KCNK2: variants seen among roughly 807,000 people sequenced by gnomAD.
The protein encoded by KCNK2 is potassium channel subfamily K member 2.
KCNK2 carries 21 observed loss-of-function variants against 40.5 expected under a neutral mutation model. The observed-to-expected ratio is 0.52, with a 90% CI of 0.37 to 0.75. KCNK2 has a LOEUF of 0.75. KCNK2 is among the 30% of genes least tolerant of loss of function. KCNK2 has a pLI of 0.00. For synonymous variants in KCNK2, 191 were observed against 202.2 expected (o/e 0.94, Z 0.47); for missense variants, 399 against 531.6 (o/e 0.75, Z 2.45).
intron 2 of KCNK2, among the ~76,000 whole-genome samples, chr1:215,097,503 AT>A (rs58919225): frequency 0.58 from 87,026 of 151,294 alleles, 27,005 homozygotes; most frequent in Non-Finnish European, 0.69. Context: ...ATAAAGAAAA[AT>A]TTTTTTTTGG....
intron 5 of KCNK2, among the ~76,000 whole-genome samples, chr1:215,187,025 A>G (rs763178699): frequency 2.2e-4 from 33 of 152,136 alleles, no homozygotes; most frequent in Non-Finnish European, 4.6e-4. Flanking sequence ...GCTGGAGTGC[A>G]GTGGTGTGAT....
rs926616000 is a variant in KCNK2, at chr1:215,164,370, C to A, written c.476-4829C>A. Among the ~76,000 whole-genome samples the A allele has an allele frequency of 2.0e-5, 3 of 152,178 alleles. No individual in the cohort carries two copies. In the East Asian group the frequency reaches 5.8e-4, roughly 29 times the overall value. On this transcript the variant is annotated intron_variant, in intron 3 of 6. Transcript: ENST00000444842. ...GTTAATCTTTTCAAACAACCACCTCCTAGATTCATTGATGTTTTGAAGAGT... is the reference window on the plus strand; with the variant it reads ...GTTAATCTTTTCAAACAACCACCTCATAGATTCATTGATGTTTTGAAGAGT...
intron 2 of KCNK2, 131 bp downstream of exon 2, chr1:215,086,809 A>T (rs11586565): frequency 0.47 from 343,319 of 737,086 alleles, 88,522 homozygotes; most frequent in Non-Finnish European, 0.53. Context: ...TTGCCTTAAC[A>T]TATAGCTCTT....
At chr1:215,063,905 G>A (rs1156418362) in intron 1 of KCNK2, among the ~76,000 whole-genome samples, 1 of 152,180 alleles carries the variant, frequency 6.6e-6, no homozygotes, top group Non-Finnish European at 1.5e-5. Context: ...AAAATTAACA[G>A]CTGGTTAGAT....
At chr1:215,116,813 C>T (rs189175799) in intron 2 of KCNK2, among the ~76,000 whole-genome samples, 128 of 151,742 alleles carry the variant, frequency 8.4e-4, no homozygotes, top group African/African-American at 2.8e-3. Flanking sequence ...TTGTAAGAAA[C>T]ATTATGGCAT....
At chr1:215,029,964 T>C (rs1247957192) in intron 1 of KCNK2, among the ~76,000 whole-genome samples, 2 of 152,210 alleles carry the variant, frequency 1.3e-5, no homozygotes, top group Non-Finnish European at 2.9e-5. Flanking sequence ...GGTGGGAGTA[T>C]GTTTAGCTTT....
chr1:215,007,209 A>G (rs1232228758), intron 1 of KCNK2, among the ~76,000 whole-genome samples: 3,520 of 85,216 alleles, frequency 0.041, 441 homozygotes, highest in African/African-American at 0.13. Flanking sequence ...ATATATATAT[A>G]TATATATATA....
chr1:215,233,005 G>A (rs995205962), intron 6 of KCNK2, among the ~76,000 whole-genome samples: 21 of 152,292 alleles, frequency 1.4e-4, no homozygotes, highest in Admixed American at 2.6e-4. Flanking sequence ...GATAGATACT[G>A]CCTATGCCTT....
At chr1:215,029,187 C>T (rs1657097713) in intron 1 of KCNK2, among the ~76,000 whole-genome samples, 2 of 151,996 alleles carry the variant, frequency 1.3e-5, no homozygotes. Context: ...TGTTGTACAT[C>T]CTATGACTTT....
At chr1:215,142,990 G>A (rs1315344866) in intron 3 of KCNK2, among the ~76,000 whole-genome samples, 1 of 152,054 alleles carries the variant, frequency 6.6e-6, no homozygotes, top group East Asian at 1.9e-4. Context: ...TTTAGAGCAA[G>A]GGTGGGCCTT....
chr1:215,149,372 A>C (rs1319177606), intron 3 of KCNK2, among the ~76,000 whole-genome samples: 1 of 152,162 alleles, frequency 6.6e-6, no homozygotes, highest in East Asian at 1.9e-4. Context: ...GAGAAGGAAA[A>C]GATTAAGGTA....
chr1:215,019,420 G>A (rs1294213213), intron 1 of KCNK2, among the ~76,000 whole-genome samples: 1 of 152,184 alleles, frequency 6.6e-6, no homozygotes, highest in Non-Finnish European at 1.5e-5. Flanking sequence ...CCATGAGCAG[G>A]GCTAATAATC....
intron 5 of KCNK2, among the ~76,000 whole-genome samples, chr1:215,191,813 G>A (rs1226817998): frequency 6.6e-6 from 1 of 152,212 alleles, no homozygotes; most frequent in Non-Finnish European, 1.5e-5. Context: ...GAGCAGTGGA[G>A]TGAATATTTC....
At chr1:215,157,492 G>A (rs1303453737) in intron 3 of KCNK2, among the ~76,000 whole-genome samples, 1 of 152,158 alleles carries the variant, frequency 6.6e-6, no homozygotes, top group Non-Finnish European at 1.5e-5. Context: ...CTCTTTGGAA[G>A]CCAGAATGAC....
At chr1:215,135,102 C>T (rs1038926934) in intron 3 of KCNK2, among the ~76,000 whole-genome samples, 3 of 152,104 alleles carry the variant, frequency 2.0e-5, no homozygotes, top group Non-Finnish European at 2.9e-5. Context: ...TATACTACAA[C>T]TAAAATCATG....
intron 6 of KCNK2, among the ~76,000 whole-genome samples, chr1:215,232,905 T>C (rs916024098): frequency 2.0e-4 from 30 of 152,070 alleles, no homozygotes; most frequent in Non-Finnish European, 3.5e-4. Context: ...AGGTAAAAAA[T>C]AGAAAAATAA....
In KCNK2 at chr1:215,174,452, G is replaced by A. The variant is rs560718334; in HGVS notation, c.823+2269G>A. Among the ~76,000 whole-genome samples the A allele has an allele frequency of 1.1e-3, 171 of 152,174 alleles. 3 individuals carry two copies. Among genetic ancestry groups the A allele is most frequent in the Non-Finnish European group, 3.1e-4 (21 of 67,980 alleles). ...TGGCTTAGGATTGACTTGGCAATGC[G>A]GGCTCTTTTTTGGTTCCATATGAAC... On this transcript the variant is annotated intron_variant, in intron 5 of 6. Transcript: ENST00000444842.
At chr1:215,208,348 T>A (rs558954981) in intron 6 of KCNK2, among the ~76,000 whole-genome samples, 1 of 152,052 alleles carries the variant, frequency 6.6e-6, no homozygotes, top group Non-Finnish European at 1.5e-5. Flanking sequence ...CACTGGGGCC[T>A]ACCTGAAGGG....
At chr1:215,204,467 T>A (rs1306639588) in intron 6 of KCNK2, among the ~76,000 whole-genome samples, 1 of 152,172 alleles carries the variant, frequency 6.6e-6, no homozygotes, top group African/African-American at 2.4e-5. Context: ...TTTCTTTAGC[T>A]AGAGAGCACA....
Sources: gnomAD v4.1 joint callset for allele counts (sites outside exome capture counted in the v4.1 genomes callset) on GRCh38, gnomAD v4.1.1 for gene constraint, MANE v1.5 for transcripts, NCBI Gene and HGNC (gene_info 2026-07-23, HGNC 2026-07-21) for gene names.